TRIM29: variants seen among roughly 807,000 people sequenced by gnomAD.
TRIM29 encodes tripartite motif-containing protein 29.
Under a neutral mutation model 57.3 loss-of-function variants are expected in TRIM29, and 52 were observed. That is an observed-to-expected ratio of 0.91 (90% CI 0.73 to 1.14). The LOEUF (loss-of-function observed/expected upper bound fraction) is 1.14, where lower values mean the gene tolerates loss of function less well. Among genes scored for constraint, TRIM29 ranks in the 50% most tolerant of loss-of-function variants. The pLI, the probability that TRIM29 is intolerant of heterozygous loss-of-function variation, is 0.00. For missense variants in TRIM29, 753 were observed against 774.6 expected (o/e 0.97, Z 0.33); for synonymous variants, 319 against 316.9 (o/e 1.01, Z -0.07).
In TRIM29 at chr11:120,115,398, C is replaced by A; in HGVS notation, c.1644G>T (p.Met548Ile). The A allele has an allele frequency of 6.2e-7, 1 of 1,613,856 alleles. No individual in the cohort carries two copies. The highest frequency in any genetic ancestry group is 1.1e-5 in the South Asian group (1 of 91,006). The change falls in exon 8 of 9, where the codon ATG (methionine) becomes ATT (isoleucine). Residue 548 changes from methionine (M) to isoleucine (I), a missense_variant. By Grantham distance (10) the Met-to-Ile change is conservative. Coordinates refer to ENST00000341846, the MANE Select transcript of TRIM29 (RefSeq NM_012101.4). The part of the protein sequence containing the change: ...SFSLKGYPSL[M>I]RSQSPKAQPQ... Reference sequence around the variant, plus strand: ...GCTGGGCCTTGGGGCTTTGGCTCCGCATGAGGGAGGGATAGCCTGGGAAGA... The same window carrying A: ...GCTGGGCCTTGGGGCTTTGGCTCCGAATGAGGGAGGGATAGCCTGGGAAGA...
At position 120,128,950 on chromosome 11, in the gene TRIM29, C is replaced by T. The variant is rs1162584604; in HGVS notation, c.805-455G>A. ...AGTGTGCAGCGTTTCTATGGCATGA[C>T]GTAGGGCTGTGTTGCAAGCAGCAGC... is the stretch of plus-strand genomic sequence containing the variant. On this transcript the variant is annotated intron_variant, in intron 1 of 8. Transcript: ENST00000341846. The T allele has an allele frequency of 1.4e-5, 19 of 1,339,168 alleles. No homozygotes were observed. The East Asian group carries it at 1.9e-4, about 14-fold the overall frequency. 83.0% of individuals were successfully genotyped at this position (1,339,168 alleles called of 1,614,324 possible).
Position 120,137,194 on chromosome 11 carries a change from G to A in TRIM29, c.804+34C>T. On this transcript the variant is annotated intron_variant, in intron 1 of 8. Coordinates refer to ENST00000341846, the MANE Select transcript of TRIM29 (RefSeq NM_012101.4). This position sits in a 1 kb window ranked among gnomAD's most constrained non-coding sequence, Gnocchi z 6.2. ...CGGAGGGGTGGGGTGAGAGAGGAGAGGCCTGGAGGGGCAGGAGGGGCCCCA... is the reference window on the plus strand; with the variant it reads ...CGGAGGGGTGGGGTGAGAGAGGAGAAGCCTGGAGGGGCAGGAGGGGCCCCA... The A allele has an allele frequency of 6.2e-7, 1 of 1,608,462 alleles. No individual in the cohort carries two copies. The highest frequency in any genetic ancestry group is 8.5e-7 in the Non-Finnish European group (1 of 1,176,578).
intron 3 of TRIM29, 153 bp from the exon 4 acceptor site, chr11:120,126,042 A>G: frequency 2.6e-6 from 2 of 771,610 alleles, no homozygotes; most frequent in Non-Finnish European, 4.0e-6. Context: ...TAACATGAAA[A>G]GGTTCAACTA....
At chr11:120,130,990 T>G (rs532618725) in intron 1 of TRIM29, among the ~76,000 whole-genome samples, 1 of 152,090 alleles carries the variant, frequency 6.6e-6, no homozygotes, top group African/African-American at 2.4e-5. Context: ...GTCAAGACAC[T>G]GGGCTGAATG....
chr11:120,131,577 G>C (rs969477040), intron 1 of TRIM29, among the ~76,000 whole-genome samples: 8 of 151,900 alleles, frequency 5.3e-5, no homozygotes, highest in Non-Finnish European at 8.8e-5. Context: ...GCTGGGAAGG[G>C]GCCTTGTTCC....
intron 1 of TRIM29, among the ~76,000 whole-genome samples, chr11:120,129,651 C>T (rs11217701): frequency 0.015 from 2,316 of 151,780 alleles, 112 homozygotes; most frequent in East Asian, 0.15. Flanking sequence ...AACGCCCCAC[C>T]GGGCCAAGGA....
chr11:120,128,495 T>A lies in TRIM29; in HGVS notation c.805A>T (p.Thr269Ser). ...TGCTCCTTTTGCAATGACAGCTCCG[T>A]CTGCAGAGAAAGAGCCAGGATTGGA... ...TVEEAKAEKE[T>S]ELSLQKEQLQ... is the part of the protein sequence containing the mutation. The change falls in exon 2 of 9, where the codon ACG becomes TCG. Residue 269 changes from threonine (T) to serine (S), a missense_variant and splice_region_variant. Thr to Ser is a moderately conservative substitution (Grantham distance 58). Transcript: ENST00000341846. 1.2e-6 allele frequency: 2 copies of A among 1,609,160 alleles called. No homozygotes were observed. Among genetic ancestry groups the A allele is most frequent in the Middle Eastern group, 1.7e-4 (1 of 6,054 alleles).
In TRIM29 at chr11:120,123,014, C is replaced by T. The variant is rs770335287; in HGVS notation, c.1375G>A (p.Gly459Arg). 15 of 1,613,960 alleles carry T rather than the reference C, an allele frequency of 9.3e-6. No individual in the cohort carries two copies. Among genetic ancestry groups the T allele is most frequent in the South Asian group, 3.3e-5 (3 of 91,074 alleles). ...RYVNNYTNSFGGEWSAPDTMK... is the reference protein window; with the variant it reads ...RYVNNYTNSFRGEWSAPDTMK... Reference sequence around the variant, plus strand: ...GTGTCCGGTGCACTCCACTCACCCCCGAAGCTGTTCGTGTAGTTGTTCACA... The same window carrying T: ...GTGTCCGGTGCACTCCACTCACCCCTGAAGCTGTTCGTGTAGTTGTTCACA... The change falls in exon 5 of 9, where the codon GGG becomes AGG. Residue 459 changes from glycine to arginine, a missense_variant. Transcript: ENST00000341846.
chr11:120,124,873 A>C (rs377121678), intron 4 of TRIM29: 1 of 151,930 alleles, frequency 6.6e-6, no homozygotes, highest in Non-Finnish European at 1.5e-5. Flanking sequence ...AAAGAATCAT[A>C]TGCTGTGTCT....
At chr11:120,128,758 A>C in intron 1 of TRIM29, 2 of 1,535,090 alleles carry the variant, frequency 1.3e-6, no homozygotes, top group South Asian at 1.2e-5. Context: ...ATGTCTTTTT[A>C]AGGGCTAAAC....
At position 120,134,330 on chromosome 11, in the gene TRIM29, G is replaced by A. The variant is rs1173021067; in HGVS notation, c.804+2898C>T. ...TCATCGTAGCCTCACACCACCAACC[G>A]AGGCAGGTCTGAGGCTGTATCACCT... On this transcript the variant is annotated intron_variant, in intron 1 of 8. Transcript: ENST00000341846. 5.9e-5 allele frequency among the ~76,000 whole-genome samples: 9 copies of A among 152,168 alleles called. No homozygotes were observed. The South Asian group carries it at 6.2e-4, about 10-fold the overall frequency.
At chr11:120,126,965 A>T (rs1045740090) in intron 3 of TRIM29, among the ~76,000 whole-genome samples, 2 of 152,148 alleles carry the variant, frequency 1.3e-5, no homozygotes, top group African/African-American at 4.8e-5. Flanking sequence ...AGACAAACGG[A>T]CTAGATCCAA....
chr11:120,128,952 T>C (rs1863661803), intron 1 of TRIM29: 2 of 1,331,872 alleles, frequency 1.5e-6, no homozygotes, highest in Non-Finnish European at 1.9e-6. Context: ...TGGCATGACG[T>C]AGGGCTGTGT....
In TRIM29 at chr11:120,128,666, C is replaced by T. The variant is rs1179100854; in HGVS notation, c.805-171G>A. 5.2e-6 allele frequency: 8 copies of T among 1,533,148 alleles called. No individual in the cohort carries two copies. In the Admixed American group the frequency reaches 1.6e-4, roughly 30 times the overall value. 95.0% of individuals were successfully genotyped at this position (1,533,148 alleles called of 1,614,324 possible). A position where few individuals can be genotyped will look rare whatever the true frequency, so the allele number is the denominator to read the frequency against. ...TCAGGACCTCGGATATGCCAGGCAC[C>T]ATGCCAGTCGCCAAGGATCTAGCAG... is the stretch of plus-strand genomic sequence containing the variant. On this transcript the variant is annotated intron_variant, in intron 1 of 8. Coordinates refer to ENST00000341846, the MANE Select transcript of TRIM29 (RefSeq NM_012101.4).
intron 8 of TRIM29, among the ~76,000 whole-genome samples, chr11:120,114,598 A>C (rs1315047002): frequency 6.6e-6 from 1 of 152,250 alleles, no homozygotes; most frequent in African/African-American, 2.4e-5. Context: ...GGAGCAAGGC[A>C]TTCAGGCACA....
At position 120,134,653 on chromosome 11, in the gene TRIM29, C is replaced by T. The variant is rs745557416; in HGVS notation, c.804+2575G>A. On this transcript the variant is annotated intron_variant, in intron 1 of 8. Transcript: ENST00000341846. ...AGGTGCACATGTGTGTGCACACACA[C>T]GGAGGCTACCTGAAGCTCCCACCAT... 9.3e-4 allele frequency among the ~76,000 whole-genome samples: 141 copies of T among 152,310 alleles called. 1 individual carries two copies. The highest frequency in any genetic ancestry group is 1.1e-3 in the Non-Finnish European group (73 of 68,028).
At position 120,137,959 on chromosome 11, in the gene TRIM29, G is replaced by A. The variant is rs1350415768; in HGVS notation, c.73C>T (p.Pro25Ser). 3.7e-6 allele frequency: 6 copies of A among 1,606,600 alleles called. No homozygotes were observed. The African/African-American group carries it at 4.0e-5, about 11-fold the overall frequency. The change falls in exon 1 of 9, where the codon CCC (proline) becomes TCC (serine). Residue 25 changes from proline (P) to serine (S), a missense_variant. Physicochemically the swap from Pro to Ser is moderately conservative, Grantham distance 74. Transcript: ENST00000341846. This position sits in a 1 kb window ranked among gnomAD's most constrained non-coding sequence, Gnocchi z 6.2. ...GTGCCATTCTCCAGGCTGCCACTGG[G>A]GCCCGACGGGCTCCGGGCATCCCTG... Reference protein sequence around the residue: ...EARDARSPSGPSGSLENGTKA... With the variant: ...EARDARSPSGSSGSLENGTKA...
chr11:120,125,564 A>G (rs1042557480), intron 4 of TRIM29, 127 bp downstream of exon 4: 4 of 828,324 alleles, frequency 4.8e-6, no homozygotes, highest in Non-Finnish European at 6.8e-6. Context: ...GGCCTGAGGA[A>G]GGGTGGGTGG....
chr11:120,115,296 T>C, intron 8 of TRIM29, 42 bp downstream of exon 8: 1 of 1,595,236 alleles, frequency 6.3e-7, no homozygotes, highest in Non-Finnish European at 8.6e-7. Context: ...AGTGCCCAGG[T>C]CTCTGGATGT....
Sources: allele counts gnomAD v4.1 joint callset (sites outside exome capture counted in the v4.1 genomes callset), GRCh38; gene constraint gnomAD v4.1.1; non-coding constraint Gnocchi (gnomAD v3.1); transcripts MANE v1.5; gene names NCBI Gene and HGNC (gene_info 2026-07-23, HGNC 2026-07-21).